CFAP47: variants seen among roughly 807,000 people sequenced by gnomAD.
The protein encoded by CFAP47 is cilia and flagella associated protein 47, also known as cilia- and flagella-associated protein 47.
In CFAP47, 29 loss-of-function variants were observed where a neutral mutation model predicts 148.1. That is an observed-to-expected ratio of 0.20 (90% CI 0.15 to 0.27). CFAP47 has a LOEUF of 0.27. CFAP47 is among the 10% of genes least tolerant of loss of function. The probability of loss-of-function intolerance (pLI) is 1.00; values close to 1 mark genes in which losing one functional copy is unlikely to be tolerated. For missense variants in CFAP47, 1,872 were observed against 1,697.5 expected, an observed-to-expected ratio of 1.10 and a Z score of -1.81; for synonymous variants, 664 against 577.3, an observed-to-expected ratio of 1.15 and a Z score of -2.15.
intron 45 of CFAP47, among the ~76,000 whole-genome samples, chrX:36,219,150 T>A (rs1310142051): frequency 8.9e-6 from 1 of 111,851 alleles, no homozygotes; most frequent in Admixed American, 9.5e-5. Context: ...ACAAAATTAC[T>A]CCCACAAAAG....
At chrX:36,085,660 C>G in intron 30 of CFAP47, 122 bp downstream of exon 30, 1 of 348,218 alleles carries the variant, frequency 2.9e-6, no homozygotes, top group Non-Finnish European at 5.0e-6. Flanking sequence ...CACACACACA[C>G]ACACACATAA....
At chrX:36,211,597 A>G in intron 45 of CFAP47, 1 of 262,895 alleles carries the variant, frequency 3.8e-6, no homozygotes, top group Non-Finnish European at 7.0e-6. Flanking sequence ...ATTGCTGCAT[A>G]TCAAGCTAAA....
Position 35,966,490 on chromosome X carries a change from GT to G in CFAP47, c.1411-65del, listed in dbSNP as rs369786485. On this transcript the variant is annotated intron_variant, in intron 8 of 63. Coordinates refer to ENST00000378653, the MANE Select transcript of CFAP47 (RefSeq NM_001304548.2). ...GCTTTCCTTGAAATTTTATTAACTGGTTTTTTTTTTAGATTTGCTGTTAACT... is the reference window on the plus strand; with the variant it reads ...GCTTTCCTTGAAATTTTATTAACTGGTTTTTTTTTAGATTTGCTGTTAACT... The G allele has an allele frequency of 4.4e-3, 2,681 of 603,381 alleles. 8 individuals are homozygous for G. The highest frequency in any genetic ancestry group is 0.022 in the African/African-American group (882 of 39,353). The allele number at this position is 603,381 out of a possible 1,213,427, so 49.7% of individuals were successfully genotyped here.
At chrX:36,325,080 A>G (rs1941507244) in intron 57 of CFAP47, among the ~76,000 whole-genome samples, 1 of 111,566 alleles carries the variant, frequency 9.0e-6, no homozygotes, top group Non-Finnish European at 1.9e-5. Context: ...TTCTGTTAGA[A>G]AAGACTCTCC....
intron 19 of CFAP47, among the ~76,000 whole-genome samples, chrX:35,999,569 TATC>T (rs758558982): frequency 8.9e-6 from 1 of 112,414 alleles, no homozygotes; most frequent in South Asian, 3.7e-4. Flanking sequence ...AGTTATGTGA[TATC>T]ATAATATAAG....
rs769328074 is a variant in CFAP47, at chrX:36,172,767, G to T, written c.6027-6578G>T. On this transcript the variant is annotated intron_variant, in intron 39 of 63. Coordinates refer to ENST00000378653, the MANE Select transcript of CFAP47 (RefSeq NM_001304548.2). ...ATATTGGTCTAAAATTCTCTTTTTT[G>T]GTTGTGTCTCTGCCCGGCTTTGGTA... Among the ~76,000 whole-genome samples the T allele has an allele frequency of 8.1e-5, 9 of 111,048 alleles. No homozygotes were observed. In the South Asian group the frequency reaches 2.7e-3, roughly 33 times the overall value.
At position 35,924,166 on chromosome X, in the gene CFAP47, T is replaced by TGTGTAC. The variant is rs1160962517; in HGVS notation, c.250-1851_250-1850insGTGTAC. Among the ~76,000 whole-genome samples the TGTGTAC allele has an allele frequency of 9.0e-4, 90 of 100,505 alleles. 3 individuals carry two copies. The highest frequency in any genetic ancestry group is 1.3e-3 in the African/African-American group (33 of 24,763). 87.3% of individuals were successfully genotyped at this position (100,505 alleles called of 115,157 possible). ...ACATGTATGCGTACATATATGTATA[T>TGTGTAC]ATGTACATGTATGCGTACATGTATG... On this transcript the variant is annotated intron_variant, in intron 1 of 63. Coordinates refer to ENST00000378653, the MANE Select transcript of CFAP47 (RefSeq NM_001304548.2).
chrX:36,232,515 T>C (rs1555992940), intron 46 of CFAP47, among the ~76,000 whole-genome samples: 3 of 112,010 alleles, frequency 2.7e-5, no homozygotes, highest in Non-Finnish European at 5.6e-5. Context: ...TTTTTCTTTA[T>C]TAGTCTTGCT....
chrX:36,100,132 G>T (rs1194579954), intron 32 of CFAP47, among the ~76,000 whole-genome samples: 3 of 111,567 alleles, frequency 2.7e-5, no homozygotes, highest in Non-Finnish European at 5.6e-5. Flanking sequence ...AGGTAAAGGA[G>T]TACTGGAGGC....
At chrX:36,263,624 G>T (rs997433252) in intron 49 of CFAP47, among the ~76,000 whole-genome samples, 1 of 111,789 alleles carries the variant, frequency 8.9e-6, no homozygotes, top group Non-Finnish European at 1.9e-5. Context: ...TAAGGCCCAA[G>T]GGCTCTCAAG....
intron 62 of CFAP47, among the ~76,000 whole-genome samples, chrX:36,370,745 G>A: frequency 9.0e-6 from 1 of 111,044 alleles, no homozygotes. Flanking sequence ...AAAAAAATAG[G>A]ATAGGAAAAC....
intron 39 of CFAP47, among the ~76,000 whole-genome samples, chrX:36,173,262 G>A (rs375950595): frequency 4.5e-5 from 5 of 111,165 alleles, no homozygotes; most frequent in African/African-American, 6.5e-5. Context: ...TCCTGGATTC[G>A]TTAATTTTTT....
intron 61 of CFAP47, among the ~76,000 whole-genome samples, chrX:36,365,402 A>C (rs1481799664): frequency 1.8e-5 from 2 of 110,560 alleles, no homozygotes. Context: ...TCACTTCTTG[A>C]AATCTTAGAG....
At chrX:36,335,025 TA>T (rs1249189480) in intron 57 of CFAP47, among the ~76,000 whole-genome samples, 3 of 111,257 alleles carry the variant, frequency 2.7e-5, no homozygotes, top group African/African-American at 9.8e-5. Context: ...CTCAAGTTTT[TA>T]ATTTTTTTTC....
intron 33 of CFAP47, among the ~76,000 whole-genome samples, chrX:36,109,246 C>G (rs1938514428): frequency 9.0e-6 from 1 of 111,477 alleles, no homozygotes; most frequent in African/African-American, 3.3e-5. Context: ...AACAGTGCTG[C>G]AATGAATATA....
At chrX:36,021,695 G>A (rs1937161478) in intron 22 of CFAP47, among the ~76,000 whole-genome samples, 1 of 89,699 alleles carries the variant, frequency 1.1e-5, no homozygotes, top group Non-Finnish European at 2.1e-5. Context: ...AGGCCACGAT[G>A]TGTGATGTTC....
rs765835837 is a variant in CFAP47, at chrX:36,042,254, A to G, written c.4007+3075A>G. Among the ~76,000 whole-genome samples the G allele has an allele frequency of 2.7e-5, 3 of 111,871 alleles. No homozygotes were observed. The East Asian group carries it at 8.4e-4, about 31-fold the overall frequency. On this transcript the variant is annotated intron_variant, in intron 25 of 63. Transcript: ENST00000378653. ...AACAAGAGAAAAGTCAACAATGCTT[A>G]TTATCACTGCTTCCCTAAAGCATTT...
rs762625135 is a variant in CFAP47 at position 36,113,878 on chromosome X, C to T, written c.5320+9187C>T. 6.6e-5 allele frequency among the ~76,000 whole-genome samples: 7 copies of T among 106,501 alleles called. No individual in the cohort carries two copies. The South Asian group carries it at 1.3e-3, about 20-fold the overall frequency. 92.5% of individuals were successfully genotyped at this position (106,501 alleles called of 115,157 possible). On this transcript the variant is annotated intron_variant, in intron 33 of 63. Coordinates refer to ENST00000378653, the MANE Select transcript of CFAP47 (RefSeq NM_001304548.2). ...AGGCTGGAATGCAGTGGCACGATCT[C>T]GGCTCACTGCAAGCTCTGCCTCCTG...
At chrX:36,312,467 C>CAA (rs1386662745) in intron 56 of CFAP47, among the ~76,000 whole-genome samples, 1 of 108,776 alleles carries the variant, frequency 9.2e-6, no homozygotes, top group Admixed American at 9.9e-5. Context: ...AGATATGCAC[C>CAA]AAAAAAAATA....
Sources: gnomAD v4.1 joint callset for allele counts (sites outside exome capture counted in the v4.1 genomes callset) on GRCh38, gnomAD v4.1.1 for gene constraint, MANE v1.5 for transcripts, NCBI Gene and HGNC (gene_info 2026-07-23, HGNC 2026-07-21) for gene names.